The following AIG1 variants were observed in gnomAD, a reference collection of about 807,000 sequenced individuals.
The protein encoded by AIG1 is androgen induced 1.
A neutral mutation model predicts 31.4 loss-of-function variants in AIG1; 23 were observed. The observed-to-expected ratio is 0.73, with a 90% CI of 0.53 to 1.04. The LOEUF is 1.04. Among genes scored for constraint, AIG1 ranks in the 50% least tolerant of loss-of-function variants. AIG1 has a pLI of 0.00. For synonymous variants in AIG1, 100 were observed against 110.5 expected (o/e 0.90, Z 0.60); for missense variants, 274 against 295.0 (o/e 0.93, Z 0.52).
intron 3 of AIG1, among the ~76,000 whole-genome samples, chr6:143,277,220 G>T (rs959261963): frequency 3.3e-5 from 5 of 152,108 alleles, no homozygotes; most frequent in African/African-American, 1.2e-4. Flanking sequence ...TTGTTCTATG[G>T]GGGGGTGAGA....
At chr6:143,130,537 G>T (rs1393907803) in intron 1 of AIG1, among the ~76,000 whole-genome samples, 1 of 151,748 alleles carries the variant, frequency 6.6e-6, no homozygotes, top group Admixed American at 6.6e-5. Flanking sequence ...TGGTCAACGT[G>T]GTGAGACCCC....
chr6:143,155,208 T>C (rs1282931010), intron 2 of AIG1, among the ~76,000 whole-genome samples: 1 of 152,064 alleles, frequency 6.6e-6, no homozygotes, highest in Non-Finnish European at 1.5e-5. Context: ...AGAGAAGAGA[T>C]AGACTTGTCT....
intron 3 of AIG1, among the ~76,000 whole-genome samples, chr6:143,264,045 G>C (rs1404694090): frequency 6.6e-6 from 1 of 152,214 alleles, no homozygotes; most frequent in Non-Finnish European, 1.5e-5. Context: ...GTATTCATGA[G>C]AGGTGCTTTT....
rs117346541 is a variant in AIG1, at chr6:143,258,064, G to A, written c.400-26046G>A. ...CTGAATGCCTGTTATAAGCCAACCT[G>A]ATGCCCAGAGTCCTCCAATTGAATC... is the stretch of plus-strand genomic sequence containing the variant. On this transcript the variant is annotated intron_variant, in intron 3 of 5. Coordinates refer to ENST00000357847, the MANE Select transcript of AIG1 (RefSeq NM_016108.4). The surrounding 1 kb of genome is among the most constrained non-coding windows in gnomAD (Gnocchi z 4.7). Among the ~76,000 whole-genome samples, 259 of 152,290 alleles carry A rather than the reference G, an allele frequency of 1.7e-3. 3 individuals carry two copies. In the East Asian group the frequency reaches 0.039, roughly 23 times the overall value.
chr6:143,317,126 A>G (rs563876654), intron 4 of AIG1, among the ~76,000 whole-genome samples: 1 of 152,292 alleles, frequency 6.6e-6, no homozygotes, highest in South Asian at 2.1e-4. Context: ...TCAAAAAAGT[A>G]GAGAAAGAGG....
chr6:143,296,171 A>G (rs1583776613), intron 4 of AIG1, among the ~76,000 whole-genome samples: 2 of 152,052 alleles, frequency 1.3e-5, no homozygotes, highest in African/African-American at 4.8e-5. Flanking sequence ...CATTTCTCCA[A>G]TATTGAATTT....
intron 2 of AIG1, among the ~76,000 whole-genome samples, chr6:143,140,328 C>CA (rs1323857660): frequency 1.3e-5 from 2 of 152,150 alleles, no homozygotes; most frequent in Admixed American, 6.5e-5. Context: ...TATTTTAACA[C>CA]AAAATTTTTT....
At chr6:143,273,775 A>G (rs1378774276) in intron 3 of AIG1, among the ~76,000 whole-genome samples, 1 of 152,184 alleles carries the variant, frequency 6.6e-6, no homozygotes, top group African/African-American at 2.4e-5. Flanking sequence ...TGAGAACAGT[A>G]TGGGGGAAAC....
chr6:143,103,063 A>G lies in AIG1; in HGVS notation c.142-33772A>G, dbSNP rs542650088. 2.2e-4 allele frequency among the ~76,000 whole-genome samples: 33 copies of G among 152,376 alleles called. No individual in the cohort carries two copies. The South Asian group carries it at 6.6e-3, about 31-fold the overall frequency. On this transcript the variant is annotated intron_variant, in intron 1 of 5. Transcript: ENST00000357847. ...TAAATTACACATTTAAAACCAGAAC[A>G]AAGGCAATGAAGGAACAGTCATTTT...
intron 4 of AIG1, among the ~76,000 whole-genome samples, chr6:143,290,802 A>G (rs530906302): frequency 4.5e-4 from 68 of 152,228 alleles, no homozygotes; most frequent in African/African-American, 1.6e-3. Context: ...CTGACTAGCT[A>G]CCTGCTGTAA....
chr6:143,190,105 G>C, intron 3 of AIG1: 2 of 886,082 alleles, frequency 2.3e-6, no homozygotes, highest in Non-Finnish European at 2.7e-6. Flanking sequence ...TTCCCAAAGG[G>C]CCATCTCCTA....
At chr6:143,197,446 G>C (rs548487406) in intron 3 of AIG1, among the ~76,000 whole-genome samples, 4 of 152,230 alleles carry the variant, frequency 2.6e-5, no homozygotes, top group African/African-American at 7.2e-5. Context: ...CACTACTCAA[G>C]AAGAAGCTAA....
rs115998778 is a variant in AIG1 at position 143,284,167 on chromosome 6, C to A, written c.457C>A (p.Pro153Thr). 1 of 1,614,084 alleles carries A rather than the reference C, an allele frequency of 6.2e-7. No homozygotes were observed. The highest frequency in any genetic ancestry group is 2.2e-5 in the East Asian group (1 of 44,880). The change falls in exon 4 of 6, where the codon CCC (proline) becomes ACC (threonine). Residue 153 changes from proline to threonine, a missense_variant. Physicochemically the swap from Pro to Thr is conservative, Grantham distance 38. Around this residue, in one of 2 missense-constraint regions of AIG1, gnomAD observed 243 missense variants for 238.5 expected, o/e 1.02. Coordinates refer to ENST00000357847, the MANE Select transcript of AIG1 (RefSeq NM_016108.4). This position sits in a 1 kb window ranked among gnomAD's most constrained non-coding sequence, Gnocchi z 4.4. The part of the protein sequence containing the change: ...IEMRTSHHQY[P>T]SRSSGLTAIC... ...GATGAGGACATCGCACCATCAGTAT[C>A]CCAGCAGGAGCAGCGGACTTACCGC...
At chr6:143,124,699 A>G (rs111237280) in intron 1 of AIG1, among the ~76,000 whole-genome samples, 3,132 of 152,300 alleles carry the variant, frequency 0.021, 81 homozygotes, top group African/African-American at 0.067. Context: ...GGTCTCAGGA[A>G]ACTTACAATC....
chr6:143,168,785 AG>A (rs1787214223), intron 3 of AIG1, among the ~76,000 whole-genome samples: 1 of 152,156 alleles, frequency 6.6e-6, no homozygotes, highest in Middle Eastern at 3.4e-3. Flanking sequence ...CCTGAGTGAC[AG>A]GAGTGAGACC....
At position 143,280,195 on chromosome 6, in the gene AIG1, C is replaced by T. The variant is rs56358036; in HGVS notation, c.400-3915C>T. On this transcript the variant is annotated intron_variant, in intron 3 of 5. Transcript: ENST00000357847. This position sits in a 1 kb window ranked among gnomAD's most constrained non-coding sequence, Gnocchi z 4.1. ...CCAGCCATCTGTAACTGTCATCATA[C>T]CACTAGAAAGCTCTGACTTTCAAAA... Among the ~76,000 whole-genome samples the T allele has an allele frequency of 4.1e-3, 626 of 152,302 alleles. 1 individual carries two copies. Among genetic ancestry groups the T allele is most frequent in the African/African-American group, 0.014 (587 of 41,554 alleles).
intron 4 of AIG1, among the ~76,000 whole-genome samples, chr6:143,302,364 C>A (rs919787836): frequency 6.6e-6 from 1 of 151,732 alleles, no homozygotes; most frequent in African/African-American, 2.4e-5. Context: ...CTAATGCTAT[C>A]CCTCCCCACT....
intron 3 of AIG1, among the ~76,000 whole-genome samples, chr6:143,267,502 T>A (rs1282752687): frequency 1.3e-5 from 2 of 152,226 alleles, no homozygotes; most frequent in African/African-American, 2.4e-5. Flanking sequence ...CCATTATATC[T>A]AGTTCATGCA....
At chr6:143,322,788 T>C (rs558939009) in intron 4 of AIG1, among the ~76,000 whole-genome samples, 1 of 152,352 alleles carries the variant, frequency 6.6e-6, no homozygotes, top group East Asian at 1.9e-4. Flanking sequence ...CATTACCTCA[T>C]TACAGGAATT....
Sources: allele counts gnomAD v4.1 joint callset (sites outside exome capture counted in the v4.1 genomes callset), GRCh38; gene constraint gnomAD v4.1.1; regional missense constraint gnomAD v4.1.1; non-coding constraint Gnocchi (gnomAD v3.1); transcripts MANE v1.5; gene names NCBI Gene and HGNC (gene_info 2026-07-23, HGNC 2026-07-21).